Variants in ACER3 observed in about 807,000 individuals in gnomAD.
ACER3 encodes alkaline ceramidase 3.
A neutral mutation model predicts 48.9 loss-of-function variants in ACER3; 16 were observed. The ratio of observed to expected loss-of-function variants is 0.33; its 90% CI spans 0.22 to 0.50. The LOEUF (loss-of-function observed/expected upper bound fraction) is 0.50. Among genes scored for constraint, ACER3 ranks in the 20% least tolerant of loss-of-function variants. The pLI is 0.98. For synonymous variants in ACER3, 109 were observed against 107.8 expected (o/e 1.01, Z -0.07); for missense variants, 227 against 326.0 (o/e 0.70, Z 2.34).
At chr11:76,991,582 G>A (rs1045249363) in intron 6 of ACER3, among the ~76,000 whole-genome samples, 6 of 151,856 alleles carry the variant, frequency 4.0e-5, no homozygotes, top group African/African-American at 7.3e-5. Context: ...TTGGGAGGCC[G>A]AGGCGGGTGG....
intron 2 of ACER3, among the ~76,000 whole-genome samples, chr11:76,938,049 C>T (rs1947243100): frequency 6.6e-6 from 1 of 152,152 alleles, no homozygotes; most frequent in South Asian, 2.1e-4. Context: ...GGTTCTCACT[C>T]TCCTGCTCAG....
rs80236241 is a variant in ACER3, at chr11:76,869,928, C to T, written c.103+8849C>T. ...TTAGGCTGGAGTGCAGTGGCGTGAT[C>T]GTGGCTGACTGTAGCCTTGACCTCC... is the stretch of plus-strand genomic sequence containing the variant. On this transcript the variant is annotated intron_variant, in intron 1 of 10. Transcript: ENST00000532485. Among the ~76,000 whole-genome samples, 1,385 of 152,324 alleles carry T rather than the reference C, an allele frequency of 9.1e-3. 18 individuals carry two copies. The highest frequency in any genetic ancestry group is 0.023 in the South Asian group (111 of 4,830).
At chr11:76,905,402 A>G (rs554180402) in intron 1 of ACER3, among the ~76,000 whole-genome samples, 1 of 152,316 alleles carries the variant, frequency 6.6e-6, no homozygotes, top group Non-Finnish European at 1.5e-5. Flanking sequence ...AAGTCAAGGA[A>G]AGAGGGCCTG....
intron 1 of ACER3, among the ~76,000 whole-genome samples, chr11:76,907,026 A>T (rs969438708): frequency 1.3e-5 from 2 of 152,246 alleles, no homozygotes; most frequent in African/African-American, 4.8e-5. Flanking sequence ...GTCACGTTGT[A>T]TAGCATCTGG....
intron 1 of ACER3, among the ~76,000 whole-genome samples, chr11:76,923,353 C>G (rs1009871384): frequency 8.5e-5 from 13 of 152,152 alleles, no homozygotes; most frequent in Non-Finnish European, 1.5e-5. Context: ...CACCATTTCT[C>G]CCCCAGCAAC....
chr11:76,957,915 C>T (rs1410352478), intron 2 of ACER3, among the ~76,000 whole-genome samples: 2 of 150,326 alleles, frequency 1.3e-5, no homozygotes, highest in African/African-American at 4.8e-5. Context: ...TTGGGAAGAA[C>T]TTAGGACATG....
chr11:76,919,954 A>G (rs1476466924), intron 1 of ACER3, among the ~76,000 whole-genome samples: 1 of 152,214 alleles, frequency 6.6e-6, no homozygotes, highest in African/African-American at 2.4e-5. Context: ...TGAGTTCAAC[A>G]TTCATTGCAT....
At chr11:76,969,800 T>TG (rs1948243106) in intron 3 of ACER3, among the ~76,000 whole-genome samples, 2 of 77,826 alleles carry the variant, frequency 2.6e-5, no homozygotes, top group African/African-American at 1.4e-4. Flanking sequence ...TGTTGTGGGG[T>TG]GGGGGGAGGG....
intron 2 of ACER3, among the ~76,000 whole-genome samples, chr11:76,933,482 C>A (rs1358163270): frequency 6.6e-6 from 1 of 150,546 alleles, no homozygotes. Flanking sequence ...GTGGTGATGA[C>A]TCTTAACGAG....
At chr11:76,918,207 T>C (rs1946588995) in intron 1 of ACER3, among the ~76,000 whole-genome samples, 2 of 152,116 alleles carry the variant, frequency 1.3e-5, no homozygotes, top group South Asian at 4.1e-4. Flanking sequence ...TTTGTCAAAT[T>C]GAATTACATT....
rs574897556 is a variant in ACER3 at position 76,863,400 on chromosome 11, G to A, written c.103+2321G>A. On this transcript the variant is annotated intron_variant, in intron 1 of 10. Coordinates refer to ENST00000532485, the MANE Select transcript of ACER3 (RefSeq NM_018367.7). ...AGACTGCAGGGAGGGTTTTGACATA[G>A]GAATCAGAGGGGTTGCAAGAAGAGG... Among the ~76,000 whole-genome samples the A allele has an allele frequency of 2.0e-5, 3 of 152,218 alleles. No homozygotes were observed. In the South Asian group the frequency reaches 6.2e-4, roughly 32 times the overall value.
rs181249792 is a variant in ACER3, at chr11:76,888,983, C to T, written c.103+27904C>T. ...ATTATTGTTTTCTTTTTACTTTTTA[C>T]CCTGTAACCAGGTCAATAAAGGCCA... On this transcript the variant is annotated intron_variant, in intron 1 of 10. Coordinates refer to ENST00000532485, the MANE Select transcript of ACER3 (RefSeq NM_018367.7). Among the ~76,000 whole-genome samples, 725 of 152,256 alleles carry T rather than the reference C, an allele frequency of 4.8e-3. 3 individuals are homozygous for T. Among genetic ancestry groups the T allele is most frequent in the Non-Finnish European group, 8.1e-3 (550 of 68,016 alleles).
At chr11:76,867,468 C>CAAA (rs1156610809) in intron 1 of ACER3, among the ~76,000 whole-genome samples, 532 of 19,614 alleles carry the variant, frequency 0.027, 89 homozygotes, top group African/African-American at 0.077. Context: ...GACTCTGTCT[C>CAAA]AAAAAAAAAA....
At chr11:76,904,502 C>G (rs1350847555) in intron 1 of ACER3, among the ~76,000 whole-genome samples, 3 of 152,088 alleles carry the variant, frequency 2.0e-5, no homozygotes, top group African/African-American at 7.2e-5. Context: ...TTTGACTGTA[C>G]CCTCTGTCTC....
chr11:76,868,255 A>T, intron 1 of ACER3: 3 of 1,288,814 alleles, frequency 2.3e-6, no homozygotes, highest in Non-Finnish European at 3.0e-6. Flanking sequence ...CTTTCTCTGA[A>T]GGTTATTGAC....
At position 77,026,290 on chromosome 11, in the gene ACER3, G is replaced by C. The variant is rs1295423062; in HGVS notation, c.*5963G>C. 7 of 152,230 alleles carry C rather than the reference G, an allele frequency of 4.6e-5. No homozygotes were observed. In the East Asian group the frequency reaches 1.3e-3, roughly 29 times the overall value. 9.4% of individuals were successfully genotyped at this position (152,230 alleles called of 1,614,324 possible). On this transcript the variant is annotated 3_prime_UTR_variant, in exon 11 of 11. Coordinates refer to ENST00000532485, the MANE Select transcript of ACER3 (RefSeq NM_018367.7). The stretch of plus-strand genomic sequence containing the variant: ...TTTTTTTAACTTTCTAAAAGGAAAA[G>C]TTCAAAGTCCTTTCCACAGTTAGTC...
At chr11:77,005,992 T>TATATACATATATATATATA (rs1491403985) in intron 7 of ACER3, among the ~76,000 whole-genome samples, 1,161 of 69,760 alleles carry the variant, frequency 0.017, 18 homozygotes, top group South Asian at 0.027. Flanking sequence ...TATATATATA[T>TATATACATATATATATATA]TTTTTTTTTT....
intron 1 of ACER3, among the ~76,000 whole-genome samples, chr11:76,872,217 C>T (rs1240428080): frequency 2.6e-5 from 4 of 152,090 alleles, no homozygotes; most frequent in South Asian, 2.1e-4. Flanking sequence ...GCTGAGATTA[C>T]GGGCATGTGC....
chr11:76,982,055 T>C (rs1948595829), intron 4 of ACER3, among the ~76,000 whole-genome samples: 1 of 152,182 alleles, frequency 6.6e-6, no homozygotes, highest in Non-Finnish European at 1.5e-5. Flanking sequence ...GTATTATCAG[T>C]CTTTTTTATT....
Sources: allele counts gnomAD v4.1 joint callset (sites outside exome capture counted in the v4.1 genomes callset), GRCh38; gene constraint gnomAD v4.1.1; transcripts MANE v1.5; gene names NCBI Gene and HGNC (gene_info 2026-07-23, HGNC 2026-07-21).